DNAH17: variants seen among roughly 807,000 people sequenced by gnomAD.
The protein encoded by DNAH17 is dynein axonemal heavy chain 17, also known as axonemal beta dynein heavy chain 17.
A neutral mutation model predicts 485.6 loss-of-function variants in DNAH17; 376 were observed. The ratio of observed to expected loss-of-function variants is 0.77; its 90% CI spans 0.71 to 0.84. DNAH17 has a LOEUF of 0.84. DNAH17 is among the 40% of genes least tolerant of loss of function. The pLI, the probability that DNAH17 is intolerant of heterozygous loss-of-function variation, is 0.00. For synonymous variants in DNAH17, 3,031 were observed against 2,405.9 expected (o/e 1.26, Z -7.60); for missense variants, 6,370 against 5,839.3 (o/e 1.09, Z -2.96).
intron 47 of DNAH17, 45 bp downstream of exon 47, chr17:78,485,505 G>T: frequency 6.6e-7 from 1 of 1,521,284 alleles, no homozygotes. Flanking sequence ...ACGGGGACTG[G>T]CGGGGGGCAG....
In DNAH17 at chr17:78,539,818, G is replaced by A. The variant is rs75324689; in HGVS notation, c.2595C>T (p.Tyr865=). ...ATTCATCTAAGACCATGTCGTCAAT[G>A]TAGATGACATAATCCTTCCAGGGCA... is the stretch of plus-strand genomic sequence containing the variant. ...LSLPWKDYVI[Y]IDDMVLDEFD... is the part of the protein sequence containing the mutation. Residue 865 remains tyrosine, a synonymous_variant, in exon 18 of 81, where the codon TAC becomes TAT. Transcript: ENST00000389840. 644 of 1,611,852 alleles carry A rather than the reference G, an allele frequency of 4.0e-4. 7 individuals carry two copies. In the East Asian group the frequency reaches 0.014, roughly 35 times the overall value.
At chr17:78,562,906 T>G (rs1215930518) in intron 11 of DNAH17, among the ~76,000 whole-genome samples, 1 of 152,148 alleles carries the variant, frequency 6.6e-6, no homozygotes, top group Non-Finnish European at 1.5e-5. Context: ...GGTCCCCCAG[T>G]GCTGGGTGTG....
chr17:78,486,285 T>C lies in DNAH17; in HGVS notation c.7040A>G (p.Tyr2347Cys). 6.2e-7 allele frequency: 1 copy of C among 1,611,102 alleles called. No homozygotes were observed. Among genetic ancestry groups the C allele is most frequent in the Non-Finnish European group, 8.5e-7 (1 of 1,177,736 alleles). ...GCAGGTGAACACGAAGTACAGCTCG[T>C]ACAGCTCCCTGGGGGAGTCGGGGGG... ...TVPPDSPREL[Y>C]ELYFVFTCFW... The change falls in exon 45 of 81, where the codon TAC (tyrosine) becomes TGC (cysteine). Residue 2347 changes from tyrosine (Y) to cysteine (C), a missense_variant. Tyr to Cys is a radical substitution (Grantham distance 194). Transcript: ENST00000389840.
Position 78,454,476 on chromosome 17 carries a change from T to G in DNAH17, c.10400A>C (p.Gln3467Pro). Residue 3467 changes from glutamine to proline, a missense_variant, in exon 64 of 81, where the codon CAG (glutamine) becomes CCG (proline). Gln to Pro is a moderately conservative substitution (Grantham distance 76). Transcript: ENST00000389840. ...GTCCTGCGCCCGCACACACCTCTTC[T>G]GTCCCAGGCGGATGGCTTTCAGTTC... ...RSELKAIRLG[Q>P]KSYLDVIEQA... 6.2e-7 allele frequency: 1 copy of G among 1,611,940 alleles called. No homozygotes were observed. The highest frequency in any genetic ancestry group is 8.5e-7 in the Non-Finnish European group (1 of 1,179,250).
chr17:78,553,497 T>A (rs575901771), intron 14 of DNAH17, among the ~76,000 whole-genome samples: 43 of 152,128 alleles, frequency 2.8e-4, no homozygotes, highest in Middle Eastern at 6.8e-3. Context: ...ACGCAGGGTT[T>A]CACTATGTTG....
At chr17:78,537,264 G>A (rs1351158131) in intron 19 of DNAH17, 35 bp downstream of exon 19, 2 of 1,538,440 alleles carry the variant, frequency 1.3e-6, no homozygotes, top group African/African-American at 2.7e-5. Context: ...AGCAATGGAT[G>A]ACCCTGTGTA....
intron 25 of DNAH17, among the ~76,000 whole-genome samples, chr17:78,516,691 GAAA>G (rs1168693263): frequency 0.33 from 28,835 of 88,038 alleles, 2,683 homozygotes; most frequent in East Asian, 0.4. Flanking sequence ...CTCCATCTCA[GAAA>G]AAAAAAAAAA....
Position 78,569,471 on chromosome 17 carries a change from C to G in DNAH17, c.1101G>C (p.Glu367Asp). Residue 367 changes from glutamate to aspartate, a missense_variant, in exon 8 of 81, where the codon GAG becomes GAC. Physicochemically the swap from Glu to Asp is conservative, Grantham distance 45. Coordinates refer to ENST00000389840, the MANE Select transcript of DNAH17 (RefSeq NM_173628.4). ...EVLKGLQGEI[E>D]EVLSGISLAV... Reference sequence around the variant, plus strand: ...CCAGGGAGATGCCACTCAGGACTTCCTCGATTTCACCTTGCAGGCCCTTCA... The same window carrying G: ...CCAGGGAGATGCCACTCAGGACTTCGTCGATTTCACCTTGCAGGCCCTTCA... 1 of 1,611,454 alleles carries G rather than the reference C, an allele frequency of 6.2e-7. No individual in the cohort carries two copies. Among genetic ancestry groups the G allele is most frequent in the Non-Finnish European group, 8.5e-7 (1 of 1,178,760 alleles).
chr17:78,466,273 A>T (rs531282493), intron 56 of DNAH17, among the ~76,000 whole-genome samples: 1,759 of 152,164 alleles, frequency 0.012, 13 homozygotes, highest in Non-Finnish European at 0.015. Context: ...AATCTCAAGT[A>T]CCCAGGGACA....
chr17:78,553,287 T>A (rs867112813), intron 14 of DNAH17, among the ~76,000 whole-genome samples: 1 of 26,248 alleles, frequency 3.8e-5, no homozygotes, highest in African/African-American at 1.5e-4. Flanking sequence ...TTTTGTGTTT[T>A]TTTTTTTTTT....
At chr17:78,478,552 A>C (rs372833415) in intron 51 of DNAH17, among the ~76,000 whole-genome samples, 23 of 147,934 alleles carry the variant, frequency 1.6e-4, no homozygotes, top group East Asian at 1.0e-3. Flanking sequence ...CCATCATGAC[A>C]ATCACCATCA....
chr17:78,424,763 G>A (rs2086348831), intron 80 of DNAH17, among the ~76,000 whole-genome samples: 2 of 152,224 alleles, frequency 1.3e-5, no homozygotes, highest in Admixed American at 6.5e-5. Context: ...ACAGGTATGT[G>A]GTGGTGGCAT....
chr17:78,517,333 C>T (rs957250097), intron 25 of DNAH17, among the ~76,000 whole-genome samples: 17 of 152,306 alleles, frequency 1.1e-4, no homozygotes, highest in South Asian at 1.0e-3. Context: ...CGTGAGCCAC[C>T]GCACCAGGCC....
At chr17:78,487,861 C>A (rs2089680214) in intron 44 of DNAH17, among the ~76,000 whole-genome samples, 2 of 152,138 alleles carry the variant, frequency 1.3e-5, no homozygotes, top group African/African-American at 4.8e-5. Flanking sequence ...TCTGGGGGAG[C>A]TCCGCTTCTT....
At chr17:78,428,307 GC>G in intron 77 of DNAH17, 1 of 613,882 alleles carries the variant, frequency 1.6e-6, no homozygotes, top group Non-Finnish European at 3.0e-6. Context: ...TTTTGTCTGG[GC>G]CCGTACGCTC....
chr17:78,445,743 T>C (rs1297957515), intron 69 of DNAH17, 63 bp from the exon 70 acceptor site: 9 of 1,546,372 alleles, frequency 5.8e-6, no homozygotes, highest in African/African-American at 4.1e-5. Context: ...GCCCTGAAGA[T>C]GCGCGCTGGA....
At chr17:78,425,175 T>C in intron 80 of DNAH17, 171 bp downstream of exon 80, 3 of 641,640 alleles carry the variant, frequency 4.7e-6, no homozygotes, top group Admixed American at 2.9e-5. Context: ...CAACCCTCTC[T>C]AGGGTCAGCG....
chr17:78,476,289 C>T (rs2089014739), intron 52 of DNAH17, among the ~76,000 whole-genome samples: 1 of 149,518 alleles, frequency 6.7e-6, no homozygotes, highest in African/African-American at 2.5e-5. Flanking sequence ...CCCTCGGACC[C>T]ACAGCCAAGT....
In DNAH17 at chr17:78,486,354, G is replaced by C; in HGVS notation, c.6971C>G (p.Thr2324Arg). Residue 2324 changes from threonine (T) to arginine (R), a missense_variant, in exon 45 of 81, where the codon ACG (threonine) becomes AGG (arginine). By Grantham distance (71) the Thr-to-Arg change is moderately conservative. Transcript: ENST00000389840. ...CAGGCACTCCAGCAGGTACAGAATC[G>C]TTTGGATCACCGTGATCTCCGGCAC... ...TPVPEITVIQ[T>R]ILYLLECLLT... The C allele has an allele frequency of 1.9e-6, 3 of 1,613,874 alleles. No individual in the cohort carries two copies. Among genetic ancestry groups the C allele is most frequent in the Non-Finnish European group, 1.7e-6 (2 of 1,179,846 alleles).
Sources: allele counts gnomAD v4.1 joint callset (sites outside exome capture counted in the v4.1 genomes callset), GRCh38; gene constraint gnomAD v4.1.1; transcripts MANE v1.5; gene names NCBI Gene and HGNC (gene_info 2026-07-23, HGNC 2026-07-21).